Variants in TFPT observed in about 807,000 individuals in gnomAD.
TFPT encodes the protein INO80 complex subunit F.
TFPT carries 27 observed loss-of-function variants against 28.8 expected under a neutral mutation model. That is an observed-to-expected ratio of 0.94 (90% CI 0.69 to 1.29). TFPT has a LOEUF of 1.29. TFPT is among the 50% of genes most tolerant of loss of function. The pLI is 0.00. For synonymous variants in TFPT, 152 were observed against 142.8 expected, an observed-to-expected ratio of 1.06 and a Z score of -0.46; for missense variants, 330 against 338.0, an observed-to-expected ratio of 0.98 and a Z score of 0.19.
intron 2 of TFPT, among the ~76,000 whole-genome samples, 173 bp downstream of exon 2, chr19:54,114,269 G>C (rs1278565275): frequency 3.3e-5 from 5 of 152,196 alleles, no homozygotes. Context: ...GCCCTTCCAG[G>C]GGCCCGGCAC....
intron 2 of TFPT, among the ~76,000 whole-genome samples, chr19:54,113,593 G>A (rs2073516961): frequency 6.6e-6 from 1 of 151,780 alleles, no homozygotes; most frequent in Non-Finnish European, 1.5e-5. Flanking sequence ...ACCCTTCAGT[G>A]GCTCCTTCAC....
At chr19:54,114,275 G>A (rs1346293927) in intron 2 of TFPT, among the ~76,000 whole-genome samples, 167 bp downstream of exon 2, 1 of 152,162 alleles carries the variant, frequency 6.6e-6, no homozygotes, top group Non-Finnish European at 1.5e-5. Flanking sequence ...CCAGGGGCCC[G>A]GCACAGGGCC....
intron 5 of TFPT, chr19:54,107,568 GC>G: frequency 3.5e-6 from 1 of 283,790 alleles, no homozygotes; most frequent in Non-Finnish European, 6.6e-6. Context: ...GTTCTTGTCT[GC>G]CCAGGCCAGT....
Position 54,115,329 on chromosome 19 carries a change from A to T in TFPT, c.-60T>A. The T allele has an allele frequency of 6.2e-7, 1 of 1,612,754 alleles. No homozygotes were observed. Among genetic ancestry groups the T allele is most frequent in the African/African-American group, 1.3e-5 (1 of 75,036 alleles). ...TTCCGACCTCTTCAATCTGTAGGTT[A>T]AGCCGTTCGCAAAACTACTTGTCCC... On this transcript the variant is annotated 5_prime_UTR_variant, in exon 1 of 6. It removes the in-frame stop codon of an upstream open reading frame in the 5' UTR. Coordinates refer to ENST00000391759, the MANE Select transcript of TFPT (RefSeq NM_013342.4).
chr19:54,113,674 T>C (rs1467105246), intron 2 of TFPT, among the ~76,000 whole-genome samples: 1 of 152,156 alleles, frequency 6.6e-6, no homozygotes, highest in East Asian at 1.9e-4. Context: ...GAGCCCTGCC[T>C]GCTGTTTAAT....
intron 3 of TFPT, 25 bp downstream of exon 3, chr19:54,110,026 C>T (rs1256266631): frequency 1.2e-6 from 2 of 1,612,838 alleles, no homozygotes. Flanking sequence ...GCTCACAGGC[C>T]CAGAGGGGAC....
Position 54,115,373 on chromosome 19 carries a change from G to A in TFPT, c.-104C>T. 4.5e-6 allele frequency: 7 copies of A among 1,545,694 alleles called. No homozygotes were observed. Among genetic ancestry groups the A allele is most frequent in the Middle Eastern group, 3.4e-4 (2 of 5,920 alleles). ...TTGTCCCATCAGGCTCAGCAGCCGA[G>A]GACGGCGGGACGTGGCCCTAGGCCT... On this transcript the variant is annotated 5_prime_UTR_variant, in exon 1 of 6. Coordinates refer to ENST00000391759, the MANE Select transcript of TFPT (RefSeq NM_013342.4).
chr19:54,111,966 G>T (rs1283969464), intron 2 of TFPT, among the ~76,000 whole-genome samples: 1 of 151,782 alleles, frequency 6.6e-6, no homozygotes, highest in East Asian at 1.9e-4. Flanking sequence ...GACAACAAGA[G>T]CGAAAATCCA....
At chr19:54,110,419 A>T (rs2073420534) in intron 2 of TFPT, among the ~76,000 whole-genome samples, 1 of 151,868 alleles carries the variant, frequency 6.6e-6, no homozygotes, top group Non-Finnish European at 1.5e-5. Flanking sequence ...GAGAGCCTGA[A>T]CCTCCCATTA....
At chr19:54,107,291 C>CAGG in intron 5 of TFPT, 122 bp from the exon 6 acceptor site, 1 of 1,357,170 alleles carries the variant, frequency 7.4e-7, no homozygotes, top group South Asian at 1.3e-5. Flanking sequence ...CTCTGTTGCC[C>CAGG]AGGCTGGAGT....
rs1446836218 is a variant in TFPT at position 54,108,752 on chromosome 19, TGAAGA to T, written c.354-362_354-358del. The T allele has an allele frequency of 1.2e-5, 9 of 771,798 alleles. No homozygotes were observed. The East Asian group carries it at 2.4e-4, about 21-fold the overall frequency. 47.8% of individuals were successfully genotyped at this position (771,798 alleles called of 1,614,324 possible). On this transcript the variant is annotated intron_variant, in intron 3 of 5. Transcript: ENST00000391759. Reference sequence around the variant, plus strand: ...GTGAGTTATAATTTTTATTGATAACTGAAGAGAGGGGAGTACAGAACGCTCCTCCT... The same window carrying T: ...GTGAGTTATAATTTTTATTGATAACTGAGGGGAGTACAGAACGCTCCTCCT...
chr19:54,110,535 T>C (rs1389576103), intron 2 of TFPT, among the ~76,000 whole-genome samples: 3 of 152,130 alleles, frequency 2.0e-5, no homozygotes, highest in Non-Finnish European at 2.9e-5. Flanking sequence ...GAGACCAGCC[T>C]GGCCAACATG....
intron 5 of TFPT, 70 bp from the exon 6 acceptor site, chr19:54,107,239 T>C: frequency 6.4e-7 from 1 of 1,570,646 alleles, no homozygotes; most frequent in Non-Finnish European, 8.6e-7. Flanking sequence ...TTCACCATTT[T>C]TGTTTTCATT....
chr19:54,110,453 G>A (rs587683800), intron 2 of TFPT, among the ~76,000 whole-genome samples: 41 of 152,276 alleles, frequency 2.7e-4, no homozygotes, highest in African/African-American at 9.1e-4. Flanking sequence ...CAGGCCAGGT[G>A]CGGTGGCTCA....
At chr19:54,108,875 C>A in intron 3 of TFPT, 1 of 364,538 alleles carries the variant, frequency 2.7e-6, no homozygotes, top group Non-Finnish European at 5.1e-6. Context: ...AATGCCTCCT[C>A]TGCACCAGCA....
chr19:54,114,480 A>T lies in TFPT; in HGVS notation c.244T>A (p.Tyr82Asn). Reference sequence around the variant, plus strand: ...CGGCAGCGCCGACCTAGTGCCTGGTACTTTCTGCGATTTAATTCCCGCTGG... The same window carrying T: ...CGGCAGCGCCGACCTAGTGCCTGGTTCTTTCTGCGATTTAATTCCCGCTGG... The part of the protein sequence containing the change: ...RRQRELNRRK[Y>N]QALGRRCREI... Residue 82 changes from tyrosine to asparagine, a missense_variant, in exon 2 of 6, where the codon TAC becomes AAC. By Grantham distance (143) the Tyr-to-Asn change is moderately radical (BLOSUM62 -2). Transcript: ENST00000391759. 2 of 1,613,740 alleles carry T rather than the reference A, an allele frequency of 1.2e-6. No individual in the cohort carries two copies. The highest frequency in any genetic ancestry group is 1.7e-6 in the Non-Finnish European group (2 of 1,179,990).
Position 54,107,116 on chromosome 19 carries a change from A to G in TFPT, c.696T>C (p.Ser232=), listed in dbSNP as rs373286516. 3.7e-6 allele frequency: 6 copies of G among 1,613,924 alleles called. No individual in the cohort carries two copies. Among genetic ancestry groups the G allele is most frequent in the East Asian group, 2.2e-5 (1 of 44,864 alleles). Residue 232 remains serine, a synonymous_variant, in exon 6 of 6, where the codon AGT becomes AGC. Transcript: ENST00000391759. ...GFEADEALDS[S]WVSRGPDKLL... ...GTTTGTCTGGACCCCGAGAAACCCA[A>G]CTGGAATCCAGGGCCTCATCTGCTT...
intron 2 of TFPT, among the ~76,000 whole-genome samples, chr19:54,111,507 A>G (rs1227752565): frequency 7.3e-5 from 11 of 151,402 alleles, no homozygotes; most frequent in African/African-American, 2.7e-4. Context: ...TAAAAAAAAA[A>G]AAAAAAAAAG....
In TFPT at chr19:54,114,555, G is replaced by T. The variant is rs1256897300; in HGVS notation, c.169C>A (p.Leu57Ile). The change falls in exon 2 of 6, where the codon CTC (leucine) becomes ATC (isoleucine). Residue 57 changes from leucine (L) to isoleucine (I), a missense_variant. Transcript: ENST00000391759. Reference sequence around the variant, plus strand: ...TCTTCCTCTTCATCTCGCTCCCGGAGCCCTGAGCCGCCCAGACCACCTGAC... The same window carrying T: ...TCTTCCTCTTCATCTCGCTCCCGGATCCCTGAGCCGCCCAGACCACCTGAC... ...FVSGGLGGSG[L>I]RERDEEEEAA... 4 of 1,614,090 alleles carry T rather than the reference G, an allele frequency of 2.5e-6. No homozygotes were observed. The highest frequency in any genetic ancestry group is 3.3e-5 in the Admixed American group (2 of 60,014).
Sources: gnomAD v4.1 joint callset for allele counts (sites outside exome capture counted in the v4.1 genomes callset) on GRCh38, gnomAD v4.1.1 for gene constraint, MANE v1.5 for transcripts, NCBI Gene and HGNC (gene_info 2026-07-23, HGNC 2026-07-21) for gene names.